Variants in PDE8B observed in about 807,000 individuals in gnomAD.
PDE8B encodes the protein phosphodiesterase 8B, also known as high affinity cAMP-specific and IBMX-insensitive 3',5'-cyclic phosphodiesterase 8B.
Under a neutral mutation model 101.3 loss-of-function variants are expected in PDE8B, and 26 were observed. The ratio of observed to expected loss-of-function variants is 0.26; its 90% CI spans 0.19 to 0.36. The LOEUF (loss-of-function observed/expected upper bound fraction) is 0.36, where lower values mean the gene tolerates loss of function less well. Ranked by LOEUF, PDE8B falls within the 10% of genes least tolerant of loss-of-function variation. PDE8B has a pLI of 1.00. For missense variants in PDE8B, 810 were observed against 1,163.1 expected (o/e 0.70, Z 4.42); for synonymous variants, 424 against 429.3 (o/e 0.99, Z 0.15).
chr5:77,250,301 T>C (rs549217095), intron 1 of PDE8B, among the ~76,000 whole-genome samples: 1 of 152,304 alleles, frequency 6.6e-6, no homozygotes, highest in South Asian at 2.1e-4. Context: ...ACTTGGGGAT[T>C]GAAACAAGAT....
intron 1 of PDE8B, among the ~76,000 whole-genome samples, chr5:77,304,276 T>C (rs906849803): frequency 6.6e-6 from 1 of 152,222 alleles, no homozygotes; most frequent in Non-Finnish European, 1.5e-5. Context: ...TTTAAAATTT[T>C]TATCTTCCTG....
At chr5:77,349,671 G>A (rs1334343997) in intron 8 of PDE8B, 112 bp downstream of exon 8, 3 of 1,207,596 alleles carry the variant, frequency 2.5e-6, no homozygotes, top group East Asian at 2.5e-5. Flanking sequence ...TCATAATTAA[G>A]TGAAAGATCT....
intron 1 of PDE8B, among the ~76,000 whole-genome samples, chr5:77,225,032 G>A (rs1382999453): frequency 6.6e-6 from 1 of 152,100 alleles, no homozygotes; most frequent in African/African-American, 2.4e-5. Context: ...CATGATGTCT[G>A]GTTGTGTCTC....
chr5:77,410,220 C>T (rs1794274998), intron 14 of PDE8B, among the ~76,000 whole-genome samples: 1 of 152,256 alleles, frequency 6.6e-6, no homozygotes, highest in Non-Finnish European at 1.5e-5. Flanking sequence ...CTGCTGCTTG[C>T]AGAGCGGGGC....
intron 10 of PDE8B, among the ~76,000 whole-genome samples, chr5:77,374,531 G>A (rs950038756): frequency 1.3e-5 from 2 of 151,860 alleles, no homozygotes; most frequent in Non-Finnish European, 2.9e-5. Context: ...ATTTTTAAGT[G>A]GTTGTCCTGG....
At chr5:77,172,755 G>A in the PDE8B span, among the ~76,000 whole-genome samples, 2 of 152,194 alleles carry the variant, frequency 1.3e-5, no homozygotes, top group Non-Finnish European at 2.9e-5. Context: ...GTGCTGACTA[G>A]GGGGAGCACA....
chr5:77,386,436 ACTTG>A (rs769390778), intron 10 of PDE8B, among the ~76,000 whole-genome samples: 7 of 152,144 alleles, frequency 4.6e-5, no homozygotes, highest in Non-Finnish European at 7.3e-5. Flanking sequence ...GTCTCTAAGA[ACTTG>A]CTTTATGAAT....
At chr5:77,348,592 G>A (rs937773295) in intron 7 of PDE8B, among the ~76,000 whole-genome samples, 2 of 152,232 alleles carry the variant, frequency 1.3e-5, no homozygotes, top group African/African-American at 4.8e-5. Flanking sequence ...TTGATCAATA[G>A]ATAGTGGCAA....
At chr5:77,352,857 G>T (rs935060540) in intron 9 of PDE8B, among the ~76,000 whole-genome samples, 1 of 152,154 alleles carries the variant, frequency 6.6e-6, no homozygotes, top group Non-Finnish European at 1.5e-5. Flanking sequence ...AGTCCATGAC[G>T]TTGAAATGAG....
intron 17 of PDE8B, among the ~76,000 whole-genome samples, chr5:77,416,112 T>C (rs1384008591): frequency 1.3e-5 from 2 of 152,128 alleles, no homozygotes; most frequent in Non-Finnish European, 2.9e-5. Flanking sequence ...CCCAGCCATT[T>C]CTGGTCTGAC....
chr5:77,336,969 C>T (rs1221323439), intron 5 of PDE8B, among the ~76,000 whole-genome samples: 1 of 152,184 alleles, frequency 6.6e-6, no homozygotes, highest in Non-Finnish European at 1.5e-5. Context: ...GCATTCCGTG[C>T]TCTAGAGCAT....
chr5:77,210,749 C>G lies in PDE8B; in HGVS notation c.-177C>G. 3.1e-6 allele frequency: 3 copies of G among 981,912 alleles called. No individual in the cohort carries two copies. The highest frequency in any genetic ancestry group is 3.6e-6 in the Non-Finnish European group (3 of 828,976). 60.8% of individuals were successfully genotyped at this position (981,912 alleles called of 1,614,324 possible). ...GGAAAGTTGGGGTGACGCGCGCGGT[C>G]CCCGGAGGCTCGGCGGGGGGCACCG... On this transcript the variant is annotated 5_prime_UTR_variant, in exon 1 of 22. Coordinates refer to ENST00000264917, the MANE Select transcript of PDE8B (RefSeq NM_003719.5). This position sits in a 1 kb window ranked among gnomAD's most constrained non-coding sequence, Gnocchi z 4.9.
chr5:77,155,827 A>T, the PDE8B span, among the ~76,000 whole-genome samples: 1 of 152,228 alleles, frequency 6.6e-6, no homozygotes, highest in South Asian at 2.1e-4. Flanking sequence ...TTGCTATACC[A>T]CTAGGCTGGT....
chr5:77,303,714 T>C (rs76822612), intron 1 of PDE8B, among the ~76,000 whole-genome samples: 5,184 of 152,330 alleles, frequency 0.034, 293 homozygotes, highest in African/African-American at 0.12. Flanking sequence ...TTCTTTGTAC[T>C]GTTATAATAT....
At chr5:77,301,986 G>A (rs1561494102) in intron 1 of PDE8B, among the ~76,000 whole-genome samples, 2 of 152,058 alleles carry the variant, frequency 1.3e-5, no homozygotes, top group Non-Finnish European at 2.9e-5. Flanking sequence ...TCATTTTGTG[G>A]ATTATATTCT....
At chr5:77,305,638 CAG>C in intron 1 of PDE8B, among the ~76,000 whole-genome samples, 1 of 152,166 alleles carries the variant, frequency 6.6e-6, no homozygotes, top group Non-Finnish European at 1.5e-5. Flanking sequence ...AGAGGACAGA[CAG>C]GGGCCCATTA....
intron 1 of PDE8B, among the ~76,000 whole-genome samples, chr5:77,245,206 C>T (rs1756609004): frequency 6.6e-6 from 1 of 152,250 alleles, no homozygotes; most frequent in African/African-American, 2.4e-5. Flanking sequence ...TAGCTACTCT[C>T]CATTGGTTTG....
At chr5:77,400,324 A>G (rs774071831) in intron 11 of PDE8B, 34 bp downstream of exon 11, 4 of 1,341,048 alleles carry the variant, frequency 3.0e-6, no homozygotes, top group Non-Finnish European at 4.3e-6. Context: ...TAACATACTT[A>G]GGAGGCAGCT....
the PDE8B span, among the ~76,000 whole-genome samples, chr5:77,160,427 A>G: frequency 2.0e-5 from 3 of 152,090 alleles, no homozygotes; most frequent in African/African-American, 2.4e-5. Context: ...TGTATTTTCA[A>G]TCTATGGTTG....
Sources: gnomAD v4.1 joint callset for allele counts (sites outside exome capture counted in the v4.1 genomes callset) on GRCh38, gnomAD v4.1.1 for gene constraint, Gnocchi (gnomAD v3.1) non-coding constraint, MANE v1.5 for transcripts, NCBI Gene and HGNC (gene_info 2026-07-23, HGNC 2026-07-21) for gene names.